CYRIB: variants seen among roughly 807,000 people sequenced by gnomAD.
CYRIB encodes the protein CYFIP related Rac1 interactor B.
Under a neutral mutation model 44.2 loss-of-function variants are expected in CYRIB, and 8 were observed. The ratio of observed to expected loss-of-function variants is 0.18; its 90% CI spans 0.11 to 0.33. CYRIB has a LOEUF of 0.33. Ranked by LOEUF, CYRIB falls within the 10% of genes least tolerant of loss-of-function variation. The probability of loss-of-function intolerance (pLI) is 1.00; values close to 1 mark genes in which losing one functional copy is unlikely to be tolerated. For missense variants in CYRIB, 185 were observed against 382.8 expected, an observed-to-expected ratio of 0.48 and a Z score of 4.31; for synonymous variants, 131 against 127.2, an observed-to-expected ratio of 1.03 and a Z score of -0.20.
At chr8:130,011,782 G>A (rs1251451751) in intron 1 of CYRIB, among the ~76,000 whole-genome samples, 2 of 151,906 alleles carry the variant, frequency 1.3e-5, no homozygotes, top group East Asian at 1.9e-4. Flanking sequence ...GCAGTGAGCC[G>A]AGATCGCACC....
chr8:129,954,058 A>G (rs1374601762), intron 2 of CYRIB, among the ~76,000 whole-genome samples: 2 of 152,146 alleles, frequency 1.3e-5, no homozygotes, highest in Non-Finnish European at 2.9e-5. Context: ...TGCCGATTTC[A>G]TGTTAGAACA....
chr8:129,970,014 A>T lies in CYRIB; in HGVS notation c.-243+929T>A, dbSNP rs541748265. On this transcript the variant is annotated intron_variant, in intron 2 of 14. Transcript: ENST00000401979. ...GTTGACAGACGTCAGAATAGTGCTTATCTCTGGGGCAACACTAAGTGCAAA... is the reference window on the plus strand; with the variant it reads ...GTTGACAGACGTCAGAATAGTGCTTTTCTCTGGGGCAACACTAAGTGCAAA... 8.5e-5 allele frequency among the ~76,000 whole-genome samples: 13 copies of T among 152,284 alleles called. 1 individual carries two copies. The South Asian group carries it at 2.7e-3, about 32-fold the overall frequency.
intron 1 of CYRIB, among the ~76,000 whole-genome samples, chr8:129,997,119 A>AGGAGGAGGAGGAGGAGGAGG (rs1554770832): frequency 1.2e-4 from 11 of 89,928 alleles, no homozygotes; most frequent in African/African-American, 1.0e-3. Flanking sequence ...GGAAGGAAGG[A>AGGAGGAGGAGGAGGAGGAGG]AGGAGGAGGA....
Position 129,984,425 on chromosome 8 carries a change from GCTGTTA to G in CYRIB, c.-295-13436_-295-13431del, listed in dbSNP as rs2096372938. Among the ~76,000 whole-genome samples, 4 of 152,238 alleles carry G rather than the reference GCTGTTA, an allele frequency of 2.6e-5. No individual in the cohort carries two copies. In the South Asian group the frequency reaches 8.3e-4, roughly 32 times the overall value. The stretch of plus-strand genomic sequence containing the variant: ...GGCACTTAGGAAGCCCACAGTCACT[GCTGTTA>G]CTGTGGTTGCTACCCTCATCTCACT... On this transcript the variant is annotated intron_variant, in intron 1 of 14. Transcript: ENST00000401979.
intron 1 of CYRIB, among the ~76,000 whole-genome samples, chr8:129,980,990 A>C (rs1216412027): frequency 6.6e-6 from 1 of 151,988 alleles, no homozygotes; most frequent in Non-Finnish European, 1.5e-5. Flanking sequence ...TCTCAAAAAA[A>C]AAAACACACA....
intron 1 of CYRIB, among the ~76,000 whole-genome samples, chr8:129,988,090 T>C (rs570865113): frequency 6.6e-6 from 1 of 152,318 alleles, no homozygotes; most frequent in East Asian, 1.9e-4. Flanking sequence ...GCAGGCGGGC[T>C]GAGGCCTAAA....
intron 2 of CYRIB, among the ~76,000 whole-genome samples, chr8:129,966,029 T>C (rs1436067679): frequency 6.6e-6 from 1 of 152,042 alleles, no homozygotes; most frequent in African/African-American, 2.4e-5. Context: ...CTAATTTTTG[T>C]ATTTTTTGGT....
intron 1 of CYRIB, among the ~76,000 whole-genome samples, chr8:130,011,861 A>G (rs7013619): frequency 4.0e-5 from 6 of 148,972 alleles, no homozygotes; most frequent in African/African-American, 1.5e-4. Context: ...AAAAATAATT[A>G]AAAAAAAAAA....
intron 2 of CYRIB, among the ~76,000 whole-genome samples, chr8:129,899,402 G>A (rs1425848906): frequency 7.2e-5 from 11 of 152,162 alleles, no homozygotes; most frequent in Non-Finnish European, 8.8e-5. Flanking sequence ...TGTGGAATAA[G>A]CTAATTGTAA....
intron 3 of CYRIB, among the ~76,000 whole-genome samples, chr8:129,877,996 A>G (rs2059718805): frequency 6.6e-6 from 1 of 152,226 alleles, no homozygotes; most frequent in African/African-American, 2.4e-5. Flanking sequence ...ATCTGAAAGA[A>G]TATCTTCAAG....
intron 1 of CYRIB, among the ~76,000 whole-genome samples, chr8:130,006,578 C>A: frequency 3.6e-5 from 1 of 27,522 alleles, no homozygotes; most frequent in Admixed American, 3.9e-4. Flanking sequence ...AACCCCGTCT[C>A]TACTAAAAAC....
At chr8:129,921,729 T>C (rs1056529497) in intron 1 of CYRIB, among the ~76,000 whole-genome samples, 2 of 152,230 alleles carry the variant, frequency 1.3e-5, no homozygotes, top group East Asian at 3.8e-4. Flanking sequence ...AACATTACCC[T>C]ATGTAATAAA....
At chr8:129,981,077 T>A (rs538219711) in intron 1 of CYRIB, among the ~76,000 whole-genome samples, 1 of 151,908 alleles carries the variant, frequency 6.6e-6, no homozygotes, top group African/African-American at 2.4e-5. Flanking sequence ...CGAACTATGG[T>A]GTACTGAAAA....
intron 2 of CYRIB, among the ~76,000 whole-genome samples, chr8:129,950,170 C>G (rs913170989): frequency 1.3e-5 from 2 of 152,066 alleles, no homozygotes; most frequent in African/African-American, 4.8e-5. Flanking sequence ...TTGACAATTG[C>G]TGTTTTAATA....
intron 1 of CYRIB, among the ~76,000 whole-genome samples, chr8:129,988,219 G>A (rs1025528845): frequency 1.3e-5 from 2 of 152,134 alleles, no homozygotes; most frequent in Admixed American, 1.3e-4. Flanking sequence ...CGATCTTCAG[G>A]GGTACGTATC....
At position 129,893,776 on chromosome 8, in the gene CYRIB, C is replaced by T. The variant is rs564602836; in HGVS notation, c.-11+9536G>A. Among the ~76,000 whole-genome samples, 8 of 151,662 alleles carry T rather than the reference C, an allele frequency of 5.3e-5. No individual in the cohort carries two copies. The East Asian group carries it at 1.2e-3, about 22-fold the overall frequency. ...ACTTGAACTCCTGGCCTCAACCGAT[C>T]CTTCCACCTCTGACTTCAAGTGCTG... On this transcript the variant is annotated intron_variant, in intron 2 of 11. Coordinates refer to ENST00000519824, the Ensembl canonical transcript of CYRIB.
intron 1 of CYRIB, among the ~76,000 whole-genome samples, chr8:130,013,465 C>T (rs1457449491): frequency 6.6e-6 from 1 of 152,206 alleles, no homozygotes; most frequent in Non-Finnish European, 1.5e-5. Flanking sequence ...CTCTAGAAGG[C>T]TGCACAGCCA....
chr8:129,887,794 G>GC (rs1158142124), intron 2 of CYRIB, among the ~76,000 whole-genome samples: 1 of 152,222 alleles, frequency 6.6e-6, no homozygotes, highest in Admixed American at 6.5e-5. Flanking sequence ...CAGGCTTAAA[G>GC]CCCCTTTGTT....
At chr8:129,986,509 G>A (rs926904482) in intron 1 of CYRIB, among the ~76,000 whole-genome samples, 1 of 152,228 alleles carries the variant, frequency 6.6e-6, no homozygotes, top group Non-Finnish European at 1.5e-5. Context: ...CTGCCCTCGT[G>A]AATGGATTCA....
Sources: gnomAD v4.1 joint callset for allele counts (sites outside exome capture counted in the v4.1 genomes callset) on GRCh38, gnomAD v4.1.1 for gene constraint, MANE v1.5 for transcripts, NCBI Gene and HGNC (gene_info 2026-07-23, HGNC 2026-07-21) for gene names.